Variants in TRPC7 observed in about 807,000 individuals in gnomAD.
TRPC7 encodes short transient receptor potential channel 7.
Under a neutral mutation model 90.1 loss-of-function variants are expected in TRPC7, and 42 were observed. The ratio of observed to expected loss-of-function variants is 0.47; its 90% CI spans 0.36 to 0.60. The LOEUF is 0.60. Among genes scored for constraint, TRPC7 ranks in the 20% least tolerant of loss-of-function variants. The pLI, the probability that TRPC7 is intolerant of heterozygous loss-of-function variation, is 0.00. For synonymous variants in TRPC7, 451 were observed against 436.3 expected (o/e 1.03, Z -0.42); for missense variants, 955 against 1,112.3 (o/e 0.86, Z 2.01).
intron 1 of TRPC7, among the ~76,000 whole-genome samples, chr5:136,360,783 A>G (rs904587136): frequency 2.6e-5 from 4 of 152,206 alleles, no homozygotes; most frequent in African/African-American, 7.2e-5. Flanking sequence ...GAGGGGCTTC[A>G]CAATAGACTA....
intron 2 of TRPC7, among the ~76,000 whole-genome samples, chr5:136,345,414 A>ATACAAAAG (rs1458692408): frequency 3.3e-5 from 5 of 152,000 alleles, no homozygotes; most frequent in African/African-American, 1.2e-4. Context: ...AAATACAAAA[A>ATACAAAAG]TACGGGCGTG....
At chr5:136,356,314 C>T (rs1056820427) in intron 2 of TRPC7, among the ~76,000 whole-genome samples, 1 of 152,252 alleles carries the variant, frequency 6.6e-6, no homozygotes, top group Non-Finnish European at 1.5e-5. Context: ...AAGGCATTGA[C>T]ATCAGAACCA....
At chr5:136,335,879 G>A (rs1759645089) in intron 2 of TRPC7, among the ~76,000 whole-genome samples, 1 of 136,672 alleles carries the variant, frequency 7.3e-6, no homozygotes, top group Admixed American at 8.4e-5. Context: ...ACTCCAGCCT[G>A]GGCGACAGAG....
chr5:136,290,451 C>A (rs1580907722), intron 3 of TRPC7, among the ~76,000 whole-genome samples: 2 of 152,106 alleles, frequency 1.3e-5, no homozygotes, highest in African/African-American at 2.4e-5. Flanking sequence ...CTTAAAGGAC[C>A]TGATGGAGCT....
intron 2 of TRPC7, among the ~76,000 whole-genome samples, chr5:136,346,906 C>G (rs1312061261): frequency 6.6e-6 from 1 of 152,174 alleles, no homozygotes; most frequent in African/African-American, 2.4e-5. Context: ...AGGATATTTG[C>G]TGGCGTAACT....
At chr5:136,308,447 G>C (rs867133489) in intron 3 of TRPC7, among the ~76,000 whole-genome samples, 6 of 152,208 alleles carry the variant, frequency 3.9e-5, no homozygotes, top group South Asian at 2.1e-4. Flanking sequence ...TCTTAAGTCT[G>C]AGCATCTGTT....
intron 3 of TRPC7, among the ~76,000 whole-genome samples, chr5:136,283,325 T>C (rs1243999459): frequency 6.6e-6 from 1 of 152,234 alleles, no homozygotes; most frequent in Non-Finnish European, 1.5e-5. Context: ...CCGTTGCTCC[T>C]GTCTCTAGAT....
At chr5:136,274,937 T>G in intron 3 of TRPC7, 100 bp from the exon 4 acceptor site, 1 of 1,347,402 alleles carries the variant, frequency 7.4e-7, no homozygotes, top group Non-Finnish European at 9.9e-7. Flanking sequence ...GGGGCTGAAA[T>G]GCTCCACCTG....
chr5:136,330,367 T>C (rs575782514), intron 2 of TRPC7, among the ~76,000 whole-genome samples: 1 of 152,384 alleles, frequency 6.6e-6, no homozygotes, highest in East Asian at 1.9e-4. Context: ...AAATATATAC[T>C]ATCATCATTT....
At chr5:136,241,979 A>T (rs754407995) in intron 7 of TRPC7, among the ~76,000 whole-genome samples, 5 of 152,194 alleles carry the variant, frequency 3.3e-5, no homozygotes, top group African/African-American at 4.8e-5. Flanking sequence ...ACACAACATA[A>T]ACAGAAAGTC....
At chr5:136,362,544 T>A (rs1033172272) in intron 1 of TRPC7, among the ~76,000 whole-genome samples, 1 of 152,150 alleles carries the variant, frequency 6.6e-6, no homozygotes, top group African/African-American at 2.4e-5. Context: ...TCATTTTAAG[T>A]TCTCACAAAC....
chr5:136,269,345 C>T (rs1195970180), intron 4 of TRPC7, among the ~76,000 whole-genome samples: 4 of 152,214 alleles, frequency 2.6e-5, no homozygotes, highest in African/African-American at 9.6e-5. Context: ...CCTGAATTGG[C>T]TCCAAGAAAA....
chr5:136,345,751 G>A (rs1759986755), intron 2 of TRPC7, among the ~76,000 whole-genome samples: 1 of 152,150 alleles, frequency 6.6e-6, no homozygotes, highest in Non-Finnish European at 1.5e-5. Flanking sequence ...TGCTTTTGGT[G>A]TTTTAGACAT....
intron 5 of TRPC7, among the ~76,000 whole-genome samples, chr5:136,252,254 A>G (rs138146922): frequency 1.5e-3 from 223 of 152,298 alleles, no homozygotes; most frequent in African/African-American, 5.2e-3. Context: ...CAGGAATTGT[A>G]AAGGGCTTTC....
intron 8 of TRPC7, among the ~76,000 whole-genome samples, chr5:136,228,952 T>C (rs1250596036): frequency 6.6e-6 from 1 of 152,148 alleles, no homozygotes; most frequent in East Asian, 1.9e-4. Flanking sequence ...CTAGTGGGCA[T>C]CCCTCACAGC....
In TRPC7 at chr5:136,328,413, G is replaced by A. The variant is rs140124639; in HGVS notation, c.781-12634C>T. Reference sequence around the variant, plus strand: ...AACATACTCCCTGCTTTTCCAAAGGGATCGCTGTGTCCTAAGTGTTTCAGC... The same window carrying A: ...AACATACTCCCTGCTTTTCCAAAGGAATCGCTGTGTCCTAAGTGTTTCAGC... On this transcript the variant is annotated intron_variant, in intron 2 of 11. Transcript: ENST00000513104. Among the ~76,000 whole-genome samples the A allele has an allele frequency of 2.6e-3, 401 of 152,304 alleles. 2 individuals are homozygous for A. The highest frequency in any genetic ancestry group is 9.2e-3 in the African/African-American group (381 of 41,548).
intron 2 of TRPC7, among the ~76,000 whole-genome samples, chr5:136,347,206 G>A (rs938656029): frequency 6.6e-6 from 1 of 152,144 alleles, no homozygotes; most frequent in Non-Finnish European, 1.5e-5. Context: ...AGGTTCTGTG[G>A]TTTTAAGTCA....
rs147506266 is a variant in TRPC7, at chr5:136,253,332, C to T, written c.1346-1450G>A. Among the ~76,000 whole-genome samples, 430 of 152,080 alleles carry T rather than the reference C, an allele frequency of 2.8e-3. 1 individual carries two copies. Among genetic ancestry groups the T allele is most frequent in the African/African-American group, 9.6e-3 (400 of 41,486 alleles). ...TACTATTTAAATTATTTTAAATTAC[C>T]GGCATACCTTGTTTTATTGCACTTT... On this transcript the variant is annotated intron_variant, in intron 5 of 11. Transcript: ENST00000513104.
At chr5:136,242,146 CTT>C (rs1756190615) in intron 7 of TRPC7, among the ~76,000 whole-genome samples, 1 of 152,160 alleles carries the variant, frequency 6.6e-6, no homozygotes, top group African/African-American at 2.4e-5. Flanking sequence ...TTCTTAAAGA[CTT>C]TATTAAAGGA....
Sources: allele counts gnomAD v4.1 joint callset (sites outside exome capture counted in the v4.1 genomes callset), GRCh38; gene constraint gnomAD v4.1.1; transcripts MANE v1.5; gene names NCBI Gene and HGNC (gene_info 2026-07-23, HGNC 2026-07-21).